The following DOCK4 variants were observed in gnomAD, a reference collection of about 807,000 sequenced individuals.
DOCK4 encodes dedicator of cytokinesis 4, also known as dedicator of cytokinesis protein 4.
DOCK4 carries 97 observed loss-of-function variants against 268.1 expected under a neutral mutation model. The ratio of observed to expected loss-of-function variants is 0.36; its 90% CI spans 0.31 to 0.43. DOCK4 has a LOEUF of 0.43. DOCK4 is among the 20% of genes least tolerant of loss of function. The pLI is 1.00. For synonymous variants in DOCK4, 954 were observed against 887.2 expected (o/e 1.08, Z -1.34); for missense variants, 2,145 against 2,455.7 (o/e 0.87, Z 2.67).
intron 8 of DOCK4, among the ~76,000 whole-genome samples, chr7:111,954,199 C>T (rs750323497): frequency 5.9e-5 from 9 of 152,122 alleles, no homozygotes; most frequent in Non-Finnish European, 1.0e-4. Flanking sequence ...AGAGCTGTTA[C>T]TGTGGTCTCG....
At chr7:111,765,005 A>C in intron 39 of DOCK4, 113 bp downstream of exon 39, 1 of 486,678 alleles carries the variant, frequency 2.1e-6, no homozygotes, top group Non-Finnish European at 3.6e-6. Flanking sequence ...AGTTTAAAAA[A>C]AGTCTCATGC....
chr7:111,747,227 A>G (rs761490062), intron 43 of DOCK4, 40 bp downstream of exon 43: 6 of 1,584,504 alleles, frequency 3.8e-6, no homozygotes, highest in African/African-American at 2.7e-5. Flanking sequence ...AGAAGTCACA[A>G]TTGAAAACTT....
chr7:112,185,100 T>C (rs569577181), intron 1 of DOCK4, among the ~76,000 whole-genome samples: 15 of 152,116 alleles, frequency 9.9e-5, no homozygotes, highest in Admixed American at 6.5e-4. Flanking sequence ...AAAGAATCTA[T>C]AGGAAATCAA....
chr7:111,980,372 A>C (rs1798518577), intron 7 of DOCK4, among the ~76,000 whole-genome samples: 2 of 152,198 alleles, frequency 1.3e-5, no homozygotes, highest in Admixed American at 6.6e-5. Flanking sequence ...TAAAAAGTCA[A>C]GTTCACACTT....
chr7:111,775,840 G>A (rs1335266357), intron 36 of DOCK4, among the ~76,000 whole-genome samples: 1 of 152,150 alleles, frequency 6.6e-6, no homozygotes, highest in East Asian at 1.9e-4. Flanking sequence ...CAACTGCAGG[G>A]AGTGCATCAT....
intron 25 of DOCK4, among the ~76,000 whole-genome samples, chr7:111,839,649 A>T (rs1389835483): frequency 2.0e-5 from 3 of 152,190 alleles, no homozygotes; most frequent in African/African-American, 7.2e-5. Context: ...GGCATTTATG[A>T]TGATTATTGT....
intron 1 of DOCK4, among the ~76,000 whole-genome samples, chr7:112,085,365 G>C (rs912640841): frequency 7.9e-5 from 12 of 151,838 alleles, no homozygotes; most frequent in African/African-American, 2.2e-4. Flanking sequence ...CTAAGATAGG[G>C]CAATTTAAGA....
chr7:111,834,555 A>C, intron 26 of DOCK4, 33 bp downstream of exon 26: 12 of 1,447,938 alleles, frequency 8.3e-6, no homozygotes, highest in Non-Finnish European at 1.1e-5. Context: ...CCCAAAAGAT[A>C]TGTTAAAGAA....
chr7:111,783,288 C>G (rs955147390), intron 34 of DOCK4, among the ~76,000 whole-genome samples: 4 of 152,096 alleles, frequency 2.6e-5, no homozygotes, highest in Non-Finnish European at 5.9e-5. Flanking sequence ...GCTGGTAAGC[C>G]TGGCCATTAA....
intron 23 of DOCK4, among the ~76,000 whole-genome samples, chr7:111,862,323 G>A (rs1031052648): frequency 6.6e-6 from 1 of 151,522 alleles, no homozygotes; most frequent in Admixed American, 6.6e-5. Flanking sequence ...CAAATAAGTG[G>A]TAATGTTAAG....
chr7:111,792,644 A>G (rs1252105698), intron 30 of DOCK4, among the ~76,000 whole-genome samples: 1 of 152,088 alleles, frequency 6.6e-6, no homozygotes, highest in East Asian at 1.9e-4. Context: ...CAGCCTCCCA[A>G]AGTGCTGGGT....
At chr7:111,932,689 A>G (rs978549722) in intron 12 of DOCK4, among the ~76,000 whole-genome samples, 50 of 152,314 alleles carry the variant, frequency 3.3e-4, no homozygotes, top group Admixed American at 2.9e-3. Context: ...CATGTAATCA[A>G]TATGAAAATT....
At chr7:111,913,340 C>G (rs1047346300) in intron 13 of DOCK4, among the ~76,000 whole-genome samples, 1 of 151,734 alleles carries the variant, frequency 6.6e-6, no homozygotes, top group African/African-American at 2.4e-5. Context: ...GAGGCCAAAG[C>G]AGAAGGATAA....
intron 10 of DOCK4, among the ~76,000 whole-genome samples, chr7:111,943,499 T>C (rs1795365574): frequency 2.0e-5 from 3 of 152,230 alleles, no homozygotes; most frequent in African/African-American, 7.2e-5. Flanking sequence ...TACATGAAGA[T>C]ATATAAAACC....
At chr7:111,997,435 T>C (rs1194785688) in intron 4 of DOCK4, among the ~76,000 whole-genome samples, 3 of 152,234 alleles carry the variant, frequency 2.0e-5, no homozygotes, top group African/African-American at 7.2e-5. Flanking sequence ...TCTGAGATTC[T>C]TTAAGTTTTA....
chr7:111,893,689 T>G (rs539814310), intron 16 of DOCK4, among the ~76,000 whole-genome samples: 1 of 152,200 alleles, frequency 6.6e-6, no homozygotes, highest in African/African-American at 2.4e-5. Flanking sequence ...TGCTTTAAAA[T>G]ATTTTTGTTT....
At chr7:111,731,257 G>A (rs944506637) in intron 52 of DOCK4, among the ~76,000 whole-genome samples, 1 of 152,274 alleles carries the variant, frequency 6.6e-6, no homozygotes, top group African/African-American at 2.4e-5. Flanking sequence ...TTTTGCGGGG[G>A]GAGGCGGGTT....
chr7:112,043,179 G>A (rs201085881), intron 1 of DOCK4, among the ~76,000 whole-genome samples: 2 of 151,942 alleles, frequency 1.3e-5, no homozygotes, highest in East Asian at 1.9e-4. Flanking sequence ...ACACTAACCA[G>A]TGAAATAAAG....
intron 1 of DOCK4, among the ~76,000 whole-genome samples, chr7:112,060,299 C>CA (rs1330981645): frequency 1.3e-5 from 2 of 152,106 alleles, no homozygotes; most frequent in South Asian, 2.1e-4. Flanking sequence ...TGGCTTCTAT[C>CA]AAAAAAACCC....
Sources: gnomAD v4.1 joint callset for allele counts (sites outside exome capture counted in the v4.1 genomes callset) on GRCh38, gnomAD v4.1.1 for gene constraint, MANE v1.5 for transcripts, NCBI Gene and HGNC (gene_info 2026-07-23, HGNC 2026-07-21) for gene names.